The following DNAH7 variants were observed in gnomAD, a reference collection of about 807,000 sequenced individuals.
DNAH7 encodes the protein axonemal beta dynein heavy chain 7.
Under a neutral mutation model 444.6 loss-of-function variants are expected in DNAH7, and 397 were observed. That is an observed-to-expected ratio of 0.89 (90% CI 0.82 to 0.97). DNAH7 has a LOEUF of 0.97. Among genes scored for constraint, DNAH7 ranks in the 50% least tolerant of loss-of-function variants. DNAH7 has a pLI of 0.00. For synonymous variants in DNAH7, 1,636 were observed against 1,624.4 expected (o/e 1.01, Z -0.17); for missense variants, 4,902 against 4,800.8 (o/e 1.02, Z -0.62).
intron 61 of DNAH7, among the ~76,000 whole-genome samples, chr2:195,766,274 A>T (rs1307584318): frequency 1.3e-5 from 2 of 148,390 alleles, no homozygotes; most frequent in East Asian, 4.0e-4. Context: ...CCCTGGTTCA[A>T]GCGATCCGCC....
intron 19 of DNAH7, among the ~76,000 whole-genome samples, chr2:195,940,448 T>C (rs1689348589): frequency 6.6e-6 from 1 of 152,226 alleles, no homozygotes; most frequent in Admixed American, 6.5e-5. Flanking sequence ...GGCAATACCA[T>C]TCAGGATACA....
intron 43 of DNAH7, 96 bp from the exon 44 acceptor site, chr2:195,857,819 CT>C: frequency 9.7e-7 from 1 of 1,026,884 alleles, no homozygotes; most frequent in South Asian, 1.8e-5. Context: ...CAGAAACTCA[CT>C]GTGTTCACTG....
intron 5 of DNAH7, among the ~76,000 whole-genome samples, chr2:196,043,141 G>T (rs1476385145): frequency 6.6e-6 from 1 of 151,862 alleles, no homozygotes; most frequent in Non-Finnish European, 1.5e-5. Context: ...TGAAGGTTGT[G>T]CAACTACAAA....
At chr2:196,032,376 C>T (rs1366683064) in intron 5 of DNAH7, among the ~76,000 whole-genome samples, 2 of 152,080 alleles carry the variant, frequency 1.3e-5, no homozygotes, top group African/African-American at 4.8e-5. Context: ...AACACCACAG[C>T]CCAAAACTCA....
intron 27 of DNAH7, among the ~76,000 whole-genome samples, chr2:195,906,274 G>A (rs1687010461): frequency 6.6e-6 from 1 of 151,482 alleles, no homozygotes; most frequent in African/African-American, 2.4e-5. Flanking sequence ...TTCCTGGTGT[G>A]GATATTTACT....
chr2:195,912,073 C>T (rs1330562192), intron 24 of DNAH7, among the ~76,000 whole-genome samples: 2 of 152,126 alleles, frequency 1.3e-5, no homozygotes, highest in Non-Finnish European at 2.9e-5. Flanking sequence ...TGGTTTGGAA[C>T]ATTAGCTATC....
At position 195,788,648 on chromosome 2, in the gene DNAH7, C is replaced by A. The variant is rs964075949; in HGVS notation, c.10717-1477G>T. Among the ~76,000 whole-genome samples, 3 of 152,062 alleles carry A rather than the reference C, an allele frequency of 2.0e-5. No homozygotes were observed. In the South Asian group the frequency reaches 6.2e-4, roughly 31 times the overall value. ...TGCTGGGCTAATTCTGGACTATTTT[C>A]AATATATTAGAGAATTGAGCAAATC... is the stretch of plus-strand genomic sequence containing the variant. On this transcript the variant is annotated intron_variant, in intron 57 of 64. Transcript: ENST00000312428.
chr2:195,796,310 A>G (rs1055074912), intron 56 of DNAH7, among the ~76,000 whole-genome samples: 20 of 152,290 alleles, frequency 1.3e-4, no homozygotes, highest in African/African-American at 4.8e-4. Flanking sequence ...CTCCTCCTTC[A>G]GCCTGCTCCT....
At chr2:195,813,496 A>C (rs901993774) in intron 51 of DNAH7, among the ~76,000 whole-genome samples, 20 of 152,196 alleles carry the variant, frequency 1.3e-4, no homozygotes, top group Non-Finnish European at 2.5e-4. Context: ...GAAGGGTAGG[A>C]GCCTAACTTC....
At position 195,808,836 on chromosome 2, in the gene DNAH7, A is replaced by T. The variant is rs1348162948; in HGVS notation, c.9929T>A (p.Ile3310Asn). 3.7e-6 allele frequency: 6 copies of T among 1,613,790 alleles called. No individual in the cohort carries two copies. The highest frequency in any genetic ancestry group is 5.1e-6 in the Non-Finnish European group (6 of 1,179,870). Residue 3310 changes from isoleucine (I) to asparagine (N), a missense_variant, in exon 53 of 65, where the codon ATT becomes AAT. Ile to Asn is a moderately radical substitution (Grantham distance 149, BLOSUM62 -3). Coordinates refer to ENST00000312428, the MANE Select transcript of DNAH7 (RefSeq NM_018897.3). ...AEWRFLLTGGIGLDNPYANLC... is the reference protein window; with the variant it reads ...AEWRFLLTGGNGLDNPYANLC... Reference sequence around the variant, plus strand: ...GTTGGCATAAGGATTATCCAGTCCAATGCCACCAGTTAGCAGAAATCTCCA... The same window carrying T: ...GTTGGCATAAGGATTATCCAGTCCATTGCCACCAGTTAGCAGAAATCTCCA...
intron 19 of DNAH7, among the ~76,000 whole-genome samples, chr2:195,954,598 A>T (rs534673915): frequency 2.2e-4 from 33 of 152,344 alleles, no homozygotes; most frequent in African/African-American, 7.7e-4. Flanking sequence ...TTGAGGAATC[A>T]CCACACTGTC....
At chr2:195,749,865 G>C (rs1693684849) in intron 63 of DNAH7, among the ~76,000 whole-genome samples, 1 of 151,322 alleles carries the variant, frequency 6.6e-6, no homozygotes, top group Admixed American at 6.6e-5. Context: ...ATAGCTTTAG[G>C]AGATATACCT....
intron 61 of DNAH7, among the ~76,000 whole-genome samples, chr2:195,756,596 C>G (rs1203633166): frequency 6.6e-6 from 1 of 152,096 alleles, no homozygotes; most frequent in Non-Finnish European, 1.5e-5. Context: ...TCACTGCAAC[C>G]TCGACCTTCT....
In DNAH7 at chr2:195,932,760, G is replaced by A. The variant is rs1385542877; in HGVS notation, c.3471+1831C>T. On this transcript the variant is annotated intron_variant, in intron 21 of 64. Transcript: ENST00000312428. ...GTGTCGAACCAGCCTTGCATCCCAGGGATGAAGCCCACTTGATTGTGGTGG... is the reference window on the plus strand; with the variant it reads ...GTGTCGAACCAGCCTTGCATCCCAGAGATGAAGCCCACTTGATTGTGGTGG... Among the ~76,000 whole-genome samples, 7 of 152,230 alleles carry A rather than the reference G, an allele frequency of 4.6e-5. No individual in the cohort carries two copies. The East Asian group carries it at 1.2e-3, about 25-fold the overall frequency.
At chr2:195,778,643 A>AAAAAAAAAAT (rs1553518206) in intron 58 of DNAH7, among the ~76,000 whole-genome samples, 2 of 56,254 alleles carry the variant, frequency 3.6e-5, no homozygotes, top group Admixed American at 2.6e-4. Context: ...TAAATAAATA[A>AAAAAAAAAAT]ATATATATAT....
Position 195,777,822 on chromosome 2 carries a change from T to C in DNAH7, c.11042A>G (p.Tyr3681Cys), listed in dbSNP as rs778032175. Reference protein sequence around the residue: ...SDYKFDSSGIYFVPPSGDHKS... With the variant: ...SDYKFDSSGICFVPPSGDHKS... Reference sequence around the variant, plus strand: ...TACATCACCAGAAGGAGGAACAAAATAGATGCCACTTGAGTCGAACTTATA... The same window carrying C: ...TACATCACCAGAAGGAGGAACAAAACAGATGCCACTTGAGTCGAACTTATA... Residue 3681 changes from tyrosine to cysteine, a missense_variant, in exon 59 of 65, where the codon TAT becomes TGT. Coordinates refer to ENST00000312428, the MANE Select transcript of DNAH7 (RefSeq NM_018897.3). 5 of 1,613,136 alleles carry C rather than the reference T, an allele frequency of 3.1e-6. No homozygotes were observed. Among genetic ancestry groups the C allele is most frequent in the African/African-American group, 2.7e-5 (2 of 74,912 alleles).
chr2:195,977,367 G>A (rs575092235), intron 15 of DNAH7, among the ~76,000 whole-genome samples: 1 of 152,126 alleles, frequency 6.6e-6, no homozygotes, highest in Non-Finnish European at 1.5e-5. Context: ...ACTGAAGAAT[G>A]CATCAGACTC....
Position 195,888,212 on chromosome 2 carries a change from G to T in DNAH7, c.5406+46C>A, listed in dbSNP as rs375769584. On this transcript the variant is annotated intron_variant, in intron 33 of 64. Transcript: ENST00000312428. The stretch of plus-strand genomic sequence containing the variant: ...TAAAATTGATATGTAAGTCTAATTT[G>T]AGTTTTCCATTTATTTTTTAATCTT... 6 of 1,478,836 alleles carry T rather than the reference G, an allele frequency of 4.1e-6. No homozygotes were observed. In the Admixed American group the frequency reaches 1.0e-4, roughly 25 times the overall value. The allele number at this position is 1,478,836 out of a possible 1,614,324, so 91.6% of individuals were successfully genotyped here.
At chr2:195,934,883 C>T (rs554002318) in intron 20 of DNAH7, 94 bp from the exon 21 acceptor site, 1 of 1,357,108 alleles carries the variant, frequency 7.4e-7, no homozygotes. Context: ...ATGCTAGGTG[C>T]TGCTGGGAAT....
Sources: allele counts gnomAD v4.1 joint callset (sites outside exome capture counted in the v4.1 genomes callset), GRCh38; gene constraint gnomAD v4.1.1; transcripts MANE v1.5; gene names NCBI Gene and HGNC (gene_info 2026-07-23, HGNC 2026-07-21).